The following MAGI2 variants were observed in gnomAD, a reference collection of about 807,000 sequenced individuals.
MAGI2 encodes the protein membrane associated guanylate kinase, WW and PDZ domain containing 2.
MAGI2 carries 35 observed loss-of-function variants against 133.3 expected under a neutral mutation model. The observed-to-expected ratio is 0.26, with a 90% CI of 0.20 to 0.35. MAGI2 has a LOEUF of 0.35. Ranked by LOEUF, MAGI2 falls within the 10% of genes least tolerant of loss-of-function variation. The probability of loss-of-function intolerance (pLI) is 1.00; values close to 1 mark genes in which losing one functional copy is unlikely to be tolerated. For synonymous variants in MAGI2, 729 were observed against 710.6 expected (o/e 1.03, Z -0.41); for missense variants, 1,636 against 1,863.4 (o/e 0.88, Z 2.25).
intron 3 of MAGI2, among the ~76,000 whole-genome samples, chr7:78,547,890 C>T (rs1176345267): frequency 2.0e-5 from 3 of 152,178 alleles, no homozygotes; most frequent in Non-Finnish European, 4.4e-5. Flanking sequence ...CTGCTATATT[C>T]CCAATAGAGG....
chr7:79,362,284 A>T (rs1195118406), intron 1 of MAGI2, among the ~76,000 whole-genome samples: 1 of 152,132 alleles, frequency 6.6e-6, no homozygotes, highest in Non-Finnish European at 1.5e-5. Flanking sequence ...GAAGAAATGA[A>T]CCAATTCTTC....
At chr7:78,593,150 A>G (rs1051605599) in intron 3 of MAGI2, among the ~76,000 whole-genome samples, 8 of 150,628 alleles carry the variant, frequency 5.3e-5, no homozygotes, top group Non-Finnish European at 1.0e-4. Flanking sequence ...CTTTTTTTTA[A>G]AGCAATTAGA....
At chr7:78,835,143 G>A (rs1246950239) in intron 2 of MAGI2, among the ~76,000 whole-genome samples, 2 of 152,144 alleles carry the variant, frequency 1.3e-5, no homozygotes, top group African/African-American at 4.8e-5. Flanking sequence ...TTAACTTTTT[G>A]AAGGACTGCC....
intron 2 of MAGI2, among the ~76,000 whole-genome samples, chr7:78,785,539 C>G (rs1826746446): frequency 6.6e-6 from 1 of 152,130 alleles, no homozygotes; most frequent in Non-Finnish European, 1.5e-5. Context: ...ATATGTGTAA[C>G]ATTTTTTTTA....
intron 1 of MAGI2, among the ~76,000 whole-genome samples, chr7:79,204,335 T>C (rs1048062956): frequency 6.6e-6 from 1 of 152,012 alleles, no homozygotes; most frequent in Non-Finnish European, 1.5e-5. Context: ...TCAGGACAGC[T>C]CTCAACAGCA....
chr7:79,332,158 A>C (rs1840128514), intron 1 of MAGI2, among the ~76,000 whole-genome samples: 2 of 152,176 alleles, frequency 1.3e-5, no homozygotes, highest in South Asian at 4.1e-4. Flanking sequence ...GAGTGATCAG[A>C]TCCACAAGGG....
chr7:78,408,738 G>A (rs1405864550), intron 6 of MAGI2, among the ~76,000 whole-genome samples: 4 of 151,982 alleles, frequency 2.6e-5, no homozygotes, highest in Admixed American at 6.6e-5. Flanking sequence ...AGTAAAATAC[G>A]TAACGCAAAA....
At chr7:78,546,052 G>T (rs1798805971) in intron 3 of MAGI2, among the ~76,000 whole-genome samples, 1 of 151,974 alleles carries the variant, frequency 6.6e-6, no homozygotes, top group Admixed American at 6.6e-5. Flanking sequence ...CATGTATTTG[G>T]GTACCCAAGG....
intron 3 of MAGI2, among the ~76,000 whole-genome samples, chr7:78,620,852 T>C (rs1807659359): frequency 6.6e-6 from 1 of 152,036 alleles, no homozygotes; most frequent in Non-Finnish European, 1.5e-5. Flanking sequence ...CAGCCTAATA[T>C]GGTAGCAGAT....
At chr7:79,056,114 T>C (rs2117028520) in intron 1 of MAGI2, among the ~76,000 whole-genome samples, 1 of 152,290 alleles carries the variant, frequency 6.6e-6, no homozygotes, top group African/African-American at 2.4e-5. Flanking sequence ...GCACACTGGT[T>C]TCTTAAAAAT....
At chr7:78,119,557 C>CAA (rs1166809821) in intron 20 of MAGI2, among the ~76,000 whole-genome samples, 5,736 of 48,952 alleles carry the variant, frequency 0.12, 792 homozygotes, top group Non-Finnish European at 0.17. Context: ...TGAGACTCCT[C>CAA]AAAAAAAAAA....
chr7:79,098,343 A>G (rs138775044), intron 1 of MAGI2, among the ~76,000 whole-genome samples: 165 of 152,304 alleles, frequency 1.1e-3, no homozygotes, highest in African/African-American at 3.8e-3. Flanking sequence ...TGTATTTACA[A>G]TACTGTTATT....
chr7:78,807,667 C>G (rs2151399424), intron 2 of MAGI2, among the ~76,000 whole-genome samples: 1 of 152,302 alleles, frequency 6.6e-6, no homozygotes, highest in South Asian at 2.1e-4. Context: ...CCTTAAGGCA[C>G]TGAGGGTACT....
intron 12 of MAGI2, among the ~76,000 whole-genome samples, chr7:78,193,026 C>T (rs1828387652): frequency 6.6e-6 from 1 of 152,052 alleles, no homozygotes; most frequent in African/African-American, 2.4e-5. Flanking sequence ...TGGTTTGTTA[C>T]AGGTGAGGAG....
intron 2 of MAGI2, among the ~76,000 whole-genome samples, chr7:78,654,200 T>TAG (rs1563302538): frequency 2.0e-5 from 3 of 152,178 alleles, no homozygotes; most frequent in African/African-American, 7.2e-5. Flanking sequence ...TATCACTTAC[T>TAG]AGCTGGGCAA....
chr7:79,101,473 C>A (rs1817961485), intron 1 of MAGI2, among the ~76,000 whole-genome samples: 1 of 152,000 alleles, frequency 6.6e-6, no homozygotes. Context: ...GCCTGTAATT[C>A]CAGCACTTTG....
intron 9 of MAGI2, among the ~76,000 whole-genome samples, chr7:78,317,200 A>G (rs537360075): frequency 1.5e-3 from 227 of 152,340 alleles, no homozygotes; most frequent in African/African-American, 5.3e-3. Flanking sequence ...TCATAAAAAG[A>G]AGAACTTCTT....
intron 2 of MAGI2, among the ~76,000 whole-genome samples, chr7:78,743,293 TTA>T (rs1190641175): frequency 1.3e-5 from 2 of 152,176 alleles, no homozygotes; most frequent in Non-Finnish European, 2.9e-5. Context: ...AAAATGTACT[TTA>T]TGTTTAATGT....
At chr7:78,987,970 T>C (rs1397465823) in intron 2 of MAGI2, among the ~76,000 whole-genome samples, 2 of 152,082 alleles carry the variant, frequency 1.3e-5, no homozygotes, top group Admixed American at 1.3e-4. Flanking sequence ...GACGCTTTGG[T>C]TCGTATTAGT....
Sources: allele counts gnomAD v4.1 joint callset (sites outside exome capture counted in the v4.1 genomes callset), GRCh38; gene constraint gnomAD v4.1.1; transcripts MANE v1.5; gene names NCBI Gene and HGNC (gene_info 2026-07-23, HGNC 2026-07-21).